The following TMEM25 variants were observed in gnomAD, a reference collection of about 807,000 sequenced individuals.
TMEM25 encodes 0610039J01Rik.
In TMEM25, 36 loss-of-function variants were observed where a neutral mutation model predicts 37.0. The observed-to-expected ratio is 0.97, with a 90% confidence interval of 0.75 to 1.28. The LOEUF is 1.28. Among genes scored for constraint, TMEM25 ranks in the 50% most tolerant of loss-of-function variants. TMEM25 has a pLI of 0.00. For missense variants in TMEM25, 444 were observed against 477.9 expected (o/e 0.93, Z 0.66); for synonymous variants, 197 against 203.7 (o/e 0.97, Z 0.28).
Position 118,534,986 on chromosome 11 carries a change from G to A in TMEM25, c.*406G>A. 1 of 1,052,412 alleles carries A rather than the reference G, an allele frequency of 9.5e-7. No individual in the cohort carries two copies. The highest frequency in any genetic ancestry group is 1.1e-6 in the Non-Finnish European group (1 of 871,830). 65.2% of individuals were successfully genotyped at this position (1,052,412 alleles called of 1,614,324 possible). A position where few individuals can be genotyped will look rare whatever the true frequency, so the allele number is the denominator to read the frequency against. On this transcript the variant is annotated 3_prime_UTR_variant, in exon 9 of 9. Coordinates refer to ENST00000313236, the MANE Select transcript of TMEM25 (RefSeq NM_032780.4). The surrounding 1 kb of genome is among the most constrained non-coding windows in gnomAD (Gnocchi z 4.6). ...AGGCATGGGGGCGTGCCTGTGTGGG[G>A]GACAGGGAGGGCCCTGCATGGATTT...
chr11:118,544,618 T>G, intron 8 of TMEM25: 2 of 326,618 alleles, frequency 6.1e-6, no homozygotes, highest in South Asian at 7.2e-5. Flanking sequence ...AAAAAGGACA[T>G]CTTTTAAGCT....
At chr11:118,537,915 G>A (rs1013804275), downstream of TMEM25, among the ~76,000 whole-genome samples, 4 of 152,042 alleles carry the variant, frequency 2.6e-5, no homozygotes, top group African/African-American at 4.8e-5. Flanking sequence ...GCTGGGCGTG[G>A]TGGTGTGTAC....
downstream of TMEM25, chr11:118,546,600 A>C (rs555346806): frequency 4.0e-5 from 7 of 175,080 alleles, no homozygotes; most frequent in Admixed American, 1.1e-4. Flanking sequence ...CTGATGTCTA[A>C]GCCACTCAGT....
intron 3 of TMEM25, 172 bp from the exon 4 acceptor site, chr11:118,532,745 A>T: frequency 2.1e-6 from 2 of 966,680 alleles, no homozygotes; most frequent in Non-Finnish European, 3.0e-6. Context: ...TCTAGTATTT[A>T]CACTCATAAT....
At chr11:118,532,545 T>C (rs1951337501) in intron 3 of TMEM25, 84 bp downstream of exon 3, 3 of 1,457,234 alleles carry the variant, frequency 2.1e-6, no homozygotes, top group Non-Finnish European at 1.8e-6. Context: ...CCGCAGGACA[T>C]TTAGCAGACA....
chr11:118,533,206 A>G lies in TMEM25; in HGVS notation c.672A>G (p.Pro224=). Residue 224 remains proline (P), a splice_region_variant and synonymous_variant, in exon 4 of 9, where the codon CCA becomes CCG. Coordinates refer to ENST00000313236, the MANE Select transcript of TMEM25 (RefSeq NM_032780.4). The stretch of plus-strand genomic sequence containing the variant: ...TCACCAGTGCGTCGCTTCCAGCCCC[A>G]GGTGAGCATGGCCAGCAAGCGGCCC... ...VGVTSASLPA[P]GLLATRVEVP... 6.3e-7 allele frequency: 1 copy of G among 1,588,866 alleles called. No homozygotes were observed. Among genetic ancestry groups the G allele is most frequent in the South Asian group, 1.1e-5 (1 of 89,250 alleles).
chr11:118,538,602 A>G (rs1951540012), downstream of TMEM25, among the ~76,000 whole-genome samples: 1 of 152,018 alleles, frequency 6.6e-6, no homozygotes, highest in Non-Finnish European at 1.5e-5. Context: ...TCTTCTTTTG[A>G]GAAATGTCGG....
chr11:118,545,570 C>T, intron 8 of TMEM25: 1 of 1,312,956 alleles, frequency 7.6e-7, no homozygotes, highest in Non-Finnish European at 1.1e-6. Context: ...CTAGCACAGG[C>T]AAAGCCCTGG....
At position 118,535,134 on chromosome 11, in the gene TMEM25, A is replaced by G. The variant is rs986923941; in HGVS notation, c.*554A>G. On this transcript the variant is annotated 3_prime_UTR_variant, in exon 9 of 9. Transcript: ENST00000313236. ...CCTGACCCAGCGGTACCGGCCAAGC[A>G]CAAACGTCCTTTTTGCTGCACACGT... The G allele has an allele frequency of 5.4e-5, 55 of 1,024,624 alleles. No homozygotes were observed. The highest frequency in any genetic ancestry group is 6.4e-5 in the Non-Finnish European group (55 of 855,618). 63.5% of individuals were successfully genotyped at this position (1,024,624 alleles called of 1,614,324 possible). A position where few individuals can be genotyped will look rare whatever the true frequency, so the allele number is the denominator to read the frequency against.
At chr11:118,532,701 A>G (rs2135379582) in intron 3 of TMEM25, 1 of 783,042 alleles carries the variant, frequency 1.3e-6, no homozygotes, top group East Asian at 2.7e-5. Flanking sequence ...CGCTGGTAAG[A>G]AGCAGAGCCA....
chr11:118,546,115 A>T, intron 8 of TMEM25: 1 of 718,542 alleles, frequency 1.4e-6, no homozygotes, highest in Non-Finnish European at 2.6e-6. Flanking sequence ...TGGTGTCCTT[A>T]TAGGAAGAAG....
At position 118,535,575 on chromosome 11, in the gene TMEM25, C is replaced by A. The variant is rs112554205; in HGVS notation, c.*995C>A. 1.4e-4 allele frequency: 215 copies of A among 1,535,778 alleles called. 1 individual carries two copies. The African/African-American group carries it at 2.6e-3, about 19-fold the overall frequency. On this transcript the variant is annotated 3_prime_UTR_variant, in exon 9 of 9. Coordinates refer to ENST00000313236, the MANE Select transcript of TMEM25 (RefSeq NM_032780.4). Reference sequence around the variant, plus strand: ...GGTTGCCTCATCAGCAGGAAGGTGCCCTTCCTGGAGGATGGTCGCCACAGG... The same window carrying A: ...GGTTGCCTCATCAGCAGGAAGGTGCACTTCCTGGAGGATGGTCGCCACAGG...
downstream of TMEM25, among the ~76,000 whole-genome samples, chr11:118,539,510 C>T (rs1185663539): frequency 1.3e-5 from 2 of 151,940 alleles, no homozygotes; most frequent in African/African-American, 4.8e-5. Flanking sequence ...GAGAGTTTTC[C>T]CTAGGTTTTT....
chr11:118,537,037 G>T (rs1951519332), downstream of TMEM25, among the ~76,000 whole-genome samples: 1 of 151,846 alleles, frequency 6.6e-6, no homozygotes, highest in Non-Finnish European at 1.5e-5. Flanking sequence ...ATTGTGCTCA[G>T]CTAATTAAAA....
Position 118,535,603 on chromosome 11 carries a change from C to A in TMEM25, c.*1023C>A. The A allele has an allele frequency of 1.3e-6, 2 of 1,530,746 alleles. No individual in the cohort carries two copies. The highest frequency in any genetic ancestry group is 5.1e-5 in the East Asian group (2 of 39,500). 94.8% of individuals were successfully genotyped at this position (1,530,746 alleles called of 1,614,324 possible). ...TCCTGGAGGATGGTCGCCACAGGCA[C>A]ATAATTCAACAGTGTGGAAGCTTTA... On this transcript the variant is annotated 3_prime_UTR_variant, in exon 9 of 9. Coordinates refer to ENST00000313236, the MANE Select transcript of TMEM25 (RefSeq NM_032780.4).
intron 8 of TMEM25, among the ~76,000 whole-genome samples, chr11:118,545,207 C>T (rs1474234676): frequency 6.8e-6 from 1 of 146,328 alleles, no homozygotes; most frequent in Non-Finnish European, 1.5e-5. Flanking sequence ...ACTCCTACTT[C>T]CACCCACCCT....
downstream of TMEM25, chr11:118,546,505 G>T: frequency 4.7e-6 from 1 of 213,254 alleles, no homozygotes; most frequent in Non-Finnish European, 9.5e-6. Flanking sequence ...AGGAAGGAAG[G>T]GAGGGAGGGA....
At chr11:118,545,458 T>A in intron 8 of TMEM25, 1 of 1,613,762 alleles carries the variant, frequency 6.2e-7, no homozygotes, top group Non-Finnish European at 8.5e-7. Flanking sequence ...ATGGAGGGAC[T>A]GGATCCGACT....
chr11:118,539,204 T>C (rs1277686076), downstream of TMEM25, among the ~76,000 whole-genome samples: 3 of 141,364 alleles, frequency 2.1e-5, no homozygotes, highest in Admixed American at 2.3e-4. Context: ...AGTCTCGCTC[T>C]GTTGCCAGGC....
Sources: gnomAD v4.1 joint callset for allele counts (sites outside exome capture counted in the v4.1 genomes callset) on GRCh38, gnomAD v4.1.1 for gene constraint, Gnocchi (gnomAD v3.1) non-coding constraint, MANE v1.5 for transcripts, NCBI Gene and HGNC (gene_info 2026-07-23, HGNC 2026-07-21) for gene names.